Variants in SORCS3 observed in about 807,000 individuals in gnomAD.
SORCS3 encodes sortilin related VPS10 domain containing receptor 3.
A neutral mutation model predicts 146.3 loss-of-function variants in SORCS3; 57 were observed. The observed-to-expected ratio is 0.39, with a 90% CI of 0.31 to 0.49. The LOEUF (loss-of-function observed/expected upper bound fraction) is 0.49. SORCS3 is among the 20% of genes least tolerant of loss of function. The pLI, the probability that SORCS3 is intolerant of heterozygous loss-of-function variation, is 0.92. For synonymous variants in SORCS3, 653 were observed against 618.5 expected (o/e 1.06, Z -0.83); for missense variants, 1,341 against 1,575.5 (o/e 0.85, Z 2.52).
intron 1 of SORCS3, among the ~76,000 whole-genome samples, chr10:104,670,660 C>T (rs948088807): frequency 6.6e-6 from 1 of 152,146 alleles, no homozygotes; most frequent in Admixed American, 6.5e-5. Flanking sequence ...TTTAGCTATT[C>T]AGGCTCCCTT....
At chr10:105,072,864 C>T (rs1293691278) in intron 5 of SORCS3, among the ~76,000 whole-genome samples, 1 of 152,034 alleles carries the variant, frequency 6.6e-6, no homozygotes, top group African/African-American at 2.4e-5. Context: ...AGACCACAAA[C>T]ACTGATGGCA....
At chr10:105,197,857 T>C (rs1254917576) in intron 14 of SORCS3, among the ~76,000 whole-genome samples, 1 of 152,170 alleles carries the variant, frequency 6.6e-6, no homozygotes, top group Non-Finnish European at 1.5e-5. Flanking sequence ...TTCCTCCAGC[T>C]TTATGTCATC....
chr10:104,702,238 A>G (rs2016288252), intron 1 of SORCS3, among the ~76,000 whole-genome samples: 1 of 152,192 alleles, frequency 6.6e-6, no homozygotes, highest in Admixed American at 6.5e-5. Context: ...GCTGCCATCC[A>G]GTTCCCTTCC....
chr10:105,050,038 C>A (rs1298105752), intron 5 of SORCS3, among the ~76,000 whole-genome samples: 1 of 109,182 alleles, frequency 9.2e-6, no homozygotes, highest in Non-Finnish European at 1.7e-5. Context: ...TATATACATA[C>A]ACACACACAC....
rs965832955 is a variant in SORCS3 at position 104,848,185 on chromosome 10, G to A, written c.695+5326G>A. On this transcript the variant is annotated intron_variant, in intron 2 of 26. Coordinates refer to ENST00000369701, the MANE Select transcript of SORCS3 (RefSeq NM_014978.3). ...ATCCCAGCACCAGCCCCGCCTTGCC[G>A]TGTCCCTTTCCATGTATTGAGTTGT... Among the ~76,000 whole-genome samples the A allele has an allele frequency of 5.3e-5, 8 of 152,076 alleles. No individual in the cohort carries two copies. The South Asian group carries it at 6.2e-4, about 12-fold the overall frequency.
At chr10:104,642,022 G>GGGGGGGCGCCCC in intron 1 of SORCS3, 68 bp downstream of exon 1, 4 of 173,336 alleles carry the variant, frequency 2.3e-5, no homozygotes, top group Non-Finnish European at 2.2e-5. Context: ...GGGTGGGTGG[G>GGGGGGGCGCCCC]AGCGAGGGAC....
At chr10:105,141,373 G>A (rs559770582) in intron 8 of SORCS3, among the ~76,000 whole-genome samples, 6 of 152,310 alleles carry the variant, frequency 3.9e-5, no homozygotes, top group South Asian at 2.1e-4. Flanking sequence ...GCTGGCCCAA[G>A]TTTTCATAGT....
intron 7 of SORCS3, among the ~76,000 whole-genome samples, chr10:105,131,507 G>A (rs942488867): frequency 2.6e-5 from 4 of 152,134 alleles, no homozygotes; most frequent in East Asian, 1.9e-4. Context: ...ACTTCTGTGC[G>A]ACAATGTAGC....
intron 1 of SORCS3, among the ~76,000 whole-genome samples, chr10:104,725,829 G>A (rs1014019760): frequency 6.6e-6 from 1 of 152,220 alleles, no homozygotes; most frequent in Admixed American, 6.5e-5. Flanking sequence ...TTGGAAAAGC[G>A]CAGTATTAGG....
chr10:104,929,348 T>C (rs2019182466), intron 3 of SORCS3, among the ~76,000 whole-genome samples: 1 of 152,214 alleles, frequency 6.6e-6, no homozygotes, highest in African/African-American at 2.4e-5. Flanking sequence ...TCCCAATTCC[T>C]AGGCACTCCA....
intron 1 of SORCS3, among the ~76,000 whole-genome samples, chr10:104,719,100 A>G (rs2016513183): frequency 6.6e-6 from 1 of 152,160 alleles, no homozygotes. Flanking sequence ...AATTTTATAT[A>G]TATTTTTCAT....
chr10:105,101,072 C>T (rs1009648386), intron 6 of SORCS3, among the ~76,000 whole-genome samples: 4 of 152,174 alleles, frequency 2.6e-5, no homozygotes, highest in Non-Finnish European at 5.9e-5. Context: ...GGACCACTTT[C>T]ATTTTATCTG....
intron 16 of SORCS3, among the ~76,000 whole-genome samples, chr10:105,209,218 T>C (rs1436065645): frequency 2.0e-5 from 3 of 152,136 alleles, no homozygotes; most frequent in Admixed American, 6.6e-5. Flanking sequence ...CTTGGTTCAC[T>C]GTAACTTCCA....
chr10:105,132,664 A>G (rs994628597), intron 7 of SORCS3, among the ~76,000 whole-genome samples: 1 of 152,180 alleles, frequency 6.6e-6, no homozygotes, highest in African/African-American at 2.4e-5. Context: ...AAGTCAGAAG[A>G]GATAGATGTG....
intron 1 of SORCS3, 68 bp downstream of exon 1, chr10:104,642,022 G>GGGGGGGGCCCCCCCC: frequency 5.8e-6 from 1 of 173,336 alleles, no homozygotes; most frequent in Non-Finnish European, 1.1e-5. Flanking sequence ...GGGTGGGTGG[G>GGGGGGGGCCCCCCCC]AGCGAGGGAC....
intron 2 of SORCS3, among the ~76,000 whole-genome samples, chr10:104,847,307 A>T (rs118171870): frequency 0.012 from 1,840 of 152,240 alleles, 14 homozygotes; most frequent in Non-Finnish European, 0.017. Context: ...CCTGGTGAGG[A>T]TTTATGTTTC....
At chr10:105,085,098 A>G (rs570151382) in intron 5 of SORCS3, among the ~76,000 whole-genome samples, 28 of 152,322 alleles carry the variant, frequency 1.8e-4, no homozygotes, top group African/African-American at 6.7e-4. Flanking sequence ...AGCAGTCCCT[A>G]GAGACATTTT....
chr10:104,979,300 A>G (rs547753569), intron 4 of SORCS3, among the ~76,000 whole-genome samples: 2 of 152,298 alleles, frequency 1.3e-5, no homozygotes, highest in South Asian at 2.1e-4. Flanking sequence ...TGATCAACTT[A>G]TACTTAAGAA....
At chr10:104,986,621 AT>A (rs971763677) in intron 4 of SORCS3, among the ~76,000 whole-genome samples, 1 of 152,192 alleles carries the variant, frequency 6.6e-6, no homozygotes, top group Non-Finnish European at 1.5e-5. Flanking sequence ...AGTGAGAAAC[AT>A]GCAACTCTTT....
Sources: gnomAD v4.1 joint callset for allele counts (sites outside exome capture counted in the v4.1 genomes callset) on GRCh38, gnomAD v4.1.1 for gene constraint, MANE v1.5 for transcripts, NCBI Gene and HGNC (gene_info 2026-07-23, HGNC 2026-07-21) for gene names.